Variants in STK10 observed in about 807,000 individuals in gnomAD.
STK10 encodes serine/threonine-protein kinase 10.
STK10 carries 78 observed loss-of-function variants against 113.8 expected under a neutral mutation model. The observed-to-expected ratio is 0.69, with a 90% CI of 0.57 to 0.83. The LOEUF is 0.83. Ranked by LOEUF, STK10 falls within the 40% of genes least tolerant of loss-of-function variation. STK10 has a pLI of 0.00. For synonymous variants in STK10, 465 were observed against 494.7 expected, an observed-to-expected ratio of 0.94 and a Z score of 0.80; for missense variants, 1,109 against 1,280.1, an observed-to-expected ratio of 0.87 and a Z score of 2.04.
At chr5:172,097,506 G>T (rs906967385) in intron 7 of STK10, among the ~76,000 whole-genome samples, 2 of 152,228 alleles carry the variant, frequency 1.3e-5, no homozygotes, top group Non-Finnish European at 2.9e-5. Flanking sequence ...ACAGAGCATC[G>T]TGTGTGCAGT....
chr5:172,123,868 A>G (rs1189213990), intron 3 of STK10, among the ~76,000 whole-genome samples: 1 of 152,168 alleles, frequency 6.6e-6, no homozygotes, highest in African/African-American at 2.4e-5. Context: ...GAATGGGGCT[A>G]ACACAGAGGA....
At chr5:172,072,883 A>ATTC (rs1328780447) in intron 12 of STK10, among the ~76,000 whole-genome samples, 1 of 152,262 alleles carries the variant, frequency 6.6e-6, no homozygotes, top group Non-Finnish European at 1.5e-5. Context: ...CTACAAAGAA[A>ATTC]GATACGAGTA....
At chr5:172,080,000 CTG>C (rs1221143381) in intron 12 of STK10, among the ~76,000 whole-genome samples, 1 of 152,172 alleles carries the variant, frequency 6.6e-6, no homozygotes, top group Non-Finnish European at 1.5e-5. Flanking sequence ...TGTGGCAACT[CTG>C]TGTCGAGCAA....
At chr5:172,064,450 G>C in intron 13 of STK10, 1 of 532,288 alleles carries the variant, frequency 1.9e-6, no homozygotes, top group South Asian at 2.4e-5. Context: ...CCTAAAACAA[G>C]GTAGGAGGTG....
At chr5:172,099,935 G>C (rs1382669926) in intron 7 of STK10, among the ~76,000 whole-genome samples, 1 of 152,174 alleles carries the variant, frequency 6.6e-6, no homozygotes. Flanking sequence ...CTGCCTCCCT[G>C]ACCACCCCAG....
At position 172,117,503 on chromosome 5, in the gene STK10, G is replaced by A; in HGVS notation, c.498C>T (p.Thr166=). 1.2e-6 allele frequency: 2 copies of A among 1,612,374 alleles called. No individual in the cohort carries two copies. Among genetic ancestry groups the A allele is most frequent in the Non-Finnish European group, 1.7e-6 (2 of 1,179,948 alleles). The part of the protein sequence containing the change: ...RDLKAGNVLM[T]LEGDIRLADF... The stretch of plus-strand genomic sequence containing the variant: ...TACCCAGCCTGATGTCTCCCTCGAG[G>A]GTCATCAGCACGTTGCCAGCTTTCA... The change falls in exon 4 of 19, where the codon ACC becomes ACT. Residue 166 remains threonine, a synonymous_variant. Coordinates refer to ENST00000176763, the MANE Select transcript of STK10 (RefSeq NM_005990.4).
Position 172,162,067 on chromosome 5 carries a change from G to A in STK10, c.157-5279C>T, listed in dbSNP as rs141927484. ...TTTTGAAAGCTTGTTTAGGCCGGGC[G>A]CAGTGGCTCACGATTGTAATCCCAG... On this transcript the variant is annotated intron_variant, in intron 1 of 18. Transcript: ENST00000176763. 5.2e-3 allele frequency among the ~76,000 whole-genome samples: 786 copies of A among 152,292 alleles called. 11 individuals are homozygous for A. Among genetic ancestry groups the A allele is most frequent in the African/African-American group, 0.018 (744 of 41,552 alleles).
At chr5:172,140,451 C>T (rs1292136897) in intron 2 of STK10, among the ~76,000 whole-genome samples, 1 of 152,170 alleles carries the variant, frequency 6.6e-6, no homozygotes, top group Non-Finnish European at 1.5e-5. Flanking sequence ...AATCCCGTCA[C>T]TTTCGGAGGC....
At position 172,096,581 on chromosome 5, in the gene STK10, C is replaced by G. The variant is rs142736938; in HGVS notation, c.871-21G>C. 4.8e-5 allele frequency: 78 copies of G among 1,611,356 alleles called. No individual in the cohort carries two copies. In the East Asian group the frequency reaches 1.5e-3, roughly 32 times the overall value. On this transcript the variant is annotated intron_variant, in intron 7 of 18. Coordinates refer to ENST00000176763, the MANE Select transcript of STK10 (RefSeq NM_005990.4). ...GGATGCTGAGGGGGCAAGATGCACC[C>G]AGATTAGAACCACTCTGGGGTCACG...
chr5:172,115,433 G>A (rs1209515397), intron 4 of STK10, among the ~76,000 whole-genome samples: 3 of 152,054 alleles, frequency 2.0e-5, no homozygotes, highest in Admixed American at 2.0e-4. Flanking sequence ...GAAAGCCAAG[G>A]GCCAGGGATA....
rs147774543 is a variant in STK10, at chr5:172,066,955, A to G, written c.1990-2143T>C. On this transcript the variant is annotated intron_variant, in intron 12 of 18. Transcript: ENST00000176763. ...ACACTGAAACCACTACCCACAGAAG[A>G]TCAGACAGAACCTGTGGTCTGCAGG... is the stretch of plus-strand genomic sequence containing the variant. Among the ~76,000 whole-genome samples the G allele has an allele frequency of 3.0e-3, 463 of 152,364 alleles. 3 individuals are homozygous for G. Among genetic ancestry groups the G allele is most frequent in the Middle Eastern group, 0.01 (3 of 294 alleles).
At position 172,120,628 on chromosome 5, in the gene STK10, G is replaced by A. The variant is rs1176847373; in HGVS notation, c.371-2998C>T. On this transcript the variant is annotated intron_variant, in intron 3 of 18. Transcript: ENST00000176763. The surrounding 1 kb of genome is among the most constrained non-coding windows in gnomAD (Gnocchi z 4.0). ...CAAGCTCTCTGGCCCTTCATTTCCT[G>A]GTCTGTGAAATGGGATGATTATAAT... 6.6e-6 allele frequency among the ~76,000 whole-genome samples: 1 copy of A among 152,094 alleles called. No homozygotes were observed. The highest frequency in any genetic ancestry group is 1.5e-5 in the Non-Finnish European group (1 of 68,012).
chr5:172,069,764 A>G (rs1768137311), intron 12 of STK10, among the ~76,000 whole-genome samples: 2 of 152,202 alleles, frequency 1.3e-5, no homozygotes. Flanking sequence ...AGTGGTCAGA[A>G]AATCAGTAAG....
At chr5:172,091,623 C>T (rs1175810261) in intron 9 of STK10, among the ~76,000 whole-genome samples, 6 of 151,748 alleles carry the variant, frequency 4.0e-5, no homozygotes, top group Non-Finnish European at 5.9e-5. Context: ...CTCTGCCTCC[C>T]GGATTCAAGT....
At chr5:172,152,962 C>T (rs1351546459) in intron 2 of STK10, among the ~76,000 whole-genome samples, 1 of 152,072 alleles carries the variant, frequency 6.6e-6, no homozygotes, top group Non-Finnish European at 1.5e-5. Context: ...TTTCTTTTTG[C>T]TCTTTTGGAT....
At chr5:172,048,714 CCT>C (rs1767557134) in intron 18 of STK10, among the ~76,000 whole-genome samples, 1 of 152,278 alleles carries the variant, frequency 6.6e-6, no homozygotes, top group Non-Finnish European at 1.5e-5. Flanking sequence ...ACTCTTGACC[CCT>C]GAGGGCAGCC....
intron 13 of STK10, chr5:172,064,259 G>T: frequency 6.0e-6 from 1 of 166,238 alleles, no homozygotes; most frequent in Non-Finnish European, 1.3e-5. Context: ...ACGAAGGACT[G>T]GAGGGAAAGG....
In STK10 at chr5:172,093,783, C is replaced by A. The variant is rs556560578; in HGVS notation, c.1183G>T (p.Val395Phe). 2 of 1,609,302 alleles carry A rather than the reference C, an allele frequency of 1.2e-6. No individual in the cohort carries two copies. Among genetic ancestry groups the A allele is most frequent in the Admixed American group, 1.7e-5 (1 of 59,888 alleles). ...DRSLQTTSPPVVAPGNENGLA... is the reference protein window; with the variant it reads ...DRSLQTTSPPFVAPGNENGLA... Reference sequence around the variant, plus strand: ...CCGTTCTCATTTCCAGGGGCCACGACTGGGGGACTGGTGGTTTGGAGGGAT... The same window carrying A: ...CCGTTCTCATTTCCAGGGGCCACGAATGGGGGACTGGTGGTTTGGAGGGAT... The change falls in exon 9 of 19, where the codon GTC (valine) becomes TTC (phenylalanine). Residue 395 changes from valine (V) to phenylalanine (F), a missense_variant. Val to Phe is a conservative substitution (Grantham distance 50). Around this residue, in one of 5 missense-constraint regions of STK10, gnomAD observed 885 missense variants for 991.1 expected, o/e 0.89. Transcript: ENST00000176763. The surrounding 1 kb of genome is among the most constrained non-coding windows in gnomAD (Gnocchi z 4.1).
rs748568980 is a variant in STK10, at chr5:172,128,994, G to A, written c.322-1573C>T. 3.9e-5 allele frequency among the ~76,000 whole-genome samples: 6 copies of A among 152,304 alleles called. No homozygotes were observed. In the East Asian group the frequency reaches 1.2e-3, roughly 29 times the overall value. On this transcript the variant is annotated intron_variant, in intron 2 of 18. Coordinates refer to ENST00000176763, the MANE Select transcript of STK10 (RefSeq NM_005990.4). ...GTGGGTCCTATGAGGATGTGGTGAT[G>A]CGTGGCTTTGGAGCCAGTCACGGCT...
Sources: allele counts gnomAD v4.1 joint callset (sites outside exome capture counted in the v4.1 genomes callset), GRCh38; gene constraint gnomAD v4.1.1; regional missense constraint gnomAD v4.1.1; non-coding constraint Gnocchi (gnomAD v3.1); transcripts MANE v1.5; gene names NCBI Gene and HGNC (gene_info 2026-07-23, HGNC 2026-07-21).